CHST8: variants seen among roughly 807,000 people sequenced by gnomAD.
CHST8 encodes GALNAC-4-ST1.
A neutral mutation model predicts 15.0 loss-of-function variants in CHST8; 10 were observed. The ratio of observed to expected loss-of-function variants is 0.67; its 90% CI spans 0.41 to 1.13. CHST8 has a LOEUF of 1.13. Ranked by LOEUF, CHST8 falls within the 50% of genes most tolerant of loss-of-function variation. CHST8 has a pLI of 0.00. For missense variants in CHST8, 634 were observed against 608.2 expected, an observed-to-expected ratio of 1.04 and a Z score of -0.45; for synonymous variants, 259 against 256.6, an observed-to-expected ratio of 1.01 and a Z score of -0.09.
chr19:33,676,372 C>T (rs1972809319), intron 2 of CHST8, among the ~76,000 whole-genome samples: 1 of 152,100 alleles, frequency 6.6e-6, no homozygotes, highest in African/African-American at 2.4e-5. Flanking sequence ...CAGTTTGAGG[C>T]CAGCCTGGCC....
chr19:33,760,272 TTC>T (rs1974692840), intron 3 of CHST8, among the ~76,000 whole-genome samples: 1 of 65,546 alleles, frequency 1.5e-5, no homozygotes, highest in Non-Finnish European at 3.0e-5. Context: ...TTGCCCTTCC[TTC>T]CTTCCCTCCT....
chr19:33,687,068 C>T (rs184721199), intron 2 of CHST8, among the ~76,000 whole-genome samples: 34 of 152,340 alleles, frequency 2.2e-4, no homozygotes, highest in Non-Finnish European at 3.7e-4. Context: ...GGGGCTCCCC[C>T]GAGTGAGGCT....
At chr19:33,737,154 A>AT (rs1254731550) in intron 3 of CHST8, among the ~76,000 whole-genome samples, 1 of 152,202 alleles carries the variant, frequency 6.6e-6, no homozygotes, top group Non-Finnish European at 1.5e-5. Flanking sequence ...TCTACCCGTT[A>AT]TTTAGCATGT....
At chr19:33,740,457 G>A (rs1974164379) in intron 3 of CHST8, among the ~76,000 whole-genome samples, 1 of 152,212 alleles carries the variant, frequency 6.6e-6, no homozygotes, top group African/African-American at 2.4e-5. Context: ...GAGGGATCTG[G>A]GACAAAGACA....
intron 3 of CHST8, among the ~76,000 whole-genome samples, chr19:33,745,716 C>T (rs536218196): frequency 1.9e-4 from 29 of 152,312 alleles, no homozygotes; most frequent in African/African-American, 7.0e-4. Flanking sequence ...TGGGATATTC[C>T]CACAGAATTG....
chr19:33,750,515 C>T (rs78175222), intron 3 of CHST8, among the ~76,000 whole-genome samples: 3,325 of 152,252 alleles, frequency 0.022, 47 homozygotes, highest in Middle Eastern at 0.041. Context: ...CTGTATCCCC[C>T]ACCCCTAAGC....
intron 3 of CHST8, among the ~76,000 whole-genome samples, chr19:33,722,325 AGATG>A (rs1217542385): frequency 2.7e-5 from 4 of 149,570 alleles, no homozygotes; most frequent in East Asian, 2.0e-4. Flanking sequence ...GTGCATGGGC[AGATG>A]GATGGATGGA....
chr19:33,675,697 G>A (rs997186379), intron 2 of CHST8, among the ~76,000 whole-genome samples: 6 of 152,202 alleles, frequency 3.9e-5, no homozygotes, highest in African/African-American at 1.4e-4. Flanking sequence ...TCATCAGCCA[G>A]GGCTGCCGTA....
intron 3 of CHST8, among the ~76,000 whole-genome samples, chr19:33,703,236 C>A (rs1423377230): frequency 6.6e-6 from 1 of 152,210 alleles, no homozygotes; most frequent in Non-Finnish European, 1.5e-5. Flanking sequence ...GGGGGAGGGC[C>A]TGGAGACATC....
rs183555277 is a variant in CHST8 at position 33,705,148 on chromosome 19, C to G, written c.130+15757C>G. On this transcript the variant is annotated intron_variant, in intron 3 of 4. Coordinates refer to ENST00000650847, the MANE Select transcript of CHST8 (RefSeq NM_001127895.2). Reference sequence around the variant, plus strand: ...CTCCATGCCTGCTCTCCCTATACCCCCTGGGAGGACACAGAGGAGGTGGGT... The same window carrying G: ...CTCCATGCCTGCTCTCCCTATACCCGCTGGGAGGACACAGAGGAGGTGGGT... 4.6e-5 allele frequency among the ~76,000 whole-genome samples: 7 copies of G among 152,212 alleles called. No individual in the cohort carries two copies. The East Asian group carries it at 1.4e-3, about 29-fold the overall frequency.
At chr19:33,684,038 C>T (rs921202620) in intron 2 of CHST8, among the ~76,000 whole-genome samples, 10 of 152,302 alleles carry the variant, frequency 6.6e-5, no homozygotes, top group Admixed American at 2.6e-4. Flanking sequence ...GGTCAGTTGA[C>T]GTGGCCTGTC....
At chr19:33,646,064 G>A (rs1972351849) in intron 1 of CHST8, among the ~76,000 whole-genome samples, 1 of 152,158 alleles carries the variant, frequency 6.6e-6, no homozygotes, top group Non-Finnish European at 1.5e-5. Context: ...GGAGTTTGAG[G>A]CTGCAGTGAA....
intron 2 of CHST8, among the ~76,000 whole-genome samples, chr19:33,686,848 G>A (rs1339949269): frequency 6.6e-6 from 1 of 152,178 alleles, no homozygotes; most frequent in Non-Finnish European, 1.5e-5. Flanking sequence ...CATGCACCCG[G>A]GCATGTATGC....
chr19:33,750,431 G>A (rs1044729856), intron 3 of CHST8, among the ~76,000 whole-genome samples: 5 of 152,162 alleles, frequency 3.3e-5, no homozygotes, highest in South Asian at 2.1e-4. Flanking sequence ...CCATCCATCC[G>A]GGAGGAGAAG....
chr19:33,670,316 A>G (rs1023348240), intron 2 of CHST8, among the ~76,000 whole-genome samples: 3 of 152,226 alleles, frequency 2.0e-5, no homozygotes, highest in Non-Finnish European at 4.4e-5. Context: ...GAAATTGTCA[A>G]AGATGTTGGG....
At chr19:33,749,501 G>A (rs1460102238) in intron 3 of CHST8, among the ~76,000 whole-genome samples, 5 of 146,866 alleles carry the variant, frequency 3.4e-5, no homozygotes, top group African/African-American at 7.6e-5. Context: ...TGTAGGGGCC[G>A]ATGCTATGAG....
chr19:33,750,923 C>A (rs999196613), intron 3 of CHST8, among the ~76,000 whole-genome samples: 25 of 151,850 alleles, frequency 1.6e-4, no homozygotes, highest in African/African-American at 5.8e-4. Context: ...GCCCTGCAAC[C>A]CTCCCAGCCA....
At chr19:33,703,851 C>T (rs1973391239) in intron 3 of CHST8, among the ~76,000 whole-genome samples, 2 of 152,220 alleles carry the variant, frequency 1.3e-5, no homozygotes, top group African/African-American at 4.8e-5. Context: ...AAGATTCGCT[C>T]ATTTTGAAAT....
chr19:33,671,587 G>A (rs1296122257), intron 2 of CHST8, among the ~76,000 whole-genome samples: 1 of 152,084 alleles, frequency 6.6e-6, no homozygotes, highest in African/African-American at 2.4e-5. Flanking sequence ...GGTGTCAAGA[G>A]TGCTGTCACC....
Sources: allele counts gnomAD v4.1 joint callset (sites outside exome capture counted in the v4.1 genomes callset), GRCh38; gene constraint gnomAD v4.1.1; transcripts MANE v1.5; gene names NCBI Gene and HGNC (gene_info 2026-07-23, HGNC 2026-07-21).